NRXN1: variants seen among roughly 807,000 people sequenced by gnomAD.
The protein encoded by NRXN1 is neurexin-1.
NRXN1 carries 39 observed loss-of-function variants against 150.9 expected under a neutral mutation model. The observed-to-expected ratio is 0.26, with a 90% CI of 0.20 to 0.34. The LOEUF (loss-of-function observed/expected upper bound fraction) is 0.34, where lower values mean the gene tolerates loss of function less well. NRXN1 is among the 10% of genes least tolerant of loss of function. The probability of loss-of-function intolerance (pLI) is 1.00; values close to 1 mark genes in which losing one functional copy is unlikely to be tolerated. For missense variants in NRXN1, 1,815 were observed against 1,949.9 expected, an observed-to-expected ratio of 0.93 and a Z score of 1.30; for synonymous variants, 924 against 757.0, an observed-to-expected ratio of 1.22 and a Z score of -3.62.
intron 18 of NRXN1, among the ~76,000 whole-genome samples, chr2:50,174,099 G>T (rs1051666099): frequency 1.3e-5 from 2 of 151,980 alleles, no homozygotes; most frequent in African/African-American, 4.8e-5. Context: ...CTCTAAATTG[G>T]CCTTCTGATT....
intron 5 of NRXN1, among the ~76,000 whole-genome samples, chr2:50,738,264 C>T (rs1429199513): frequency 2.0e-5 from 3 of 152,178 alleles, no homozygotes; most frequent in Non-Finnish European, 4.4e-5. Context: ...AATGACACTG[C>T]ATCATCAAAC....
chr2:50,919,469 G>A (rs1685682162), intron 5 of NRXN1: 1 of 151,398 alleles, frequency 6.6e-6, no homozygotes, highest in African/African-American at 2.4e-5. Flanking sequence ...AAATAATGAA[G>A]ATGTTCTTGA....
chr2:50,644,904 G>A (rs1285376707), intron 5 of NRXN1, among the ~76,000 whole-genome samples: 4 of 146,216 alleles, frequency 2.7e-5, no homozygotes, highest in Admixed American at 2.7e-4. Flanking sequence ...CAAATGCACA[G>A]CTCTTATATA....
At chr2:51,005,469 A>T in intron 2 of NRXN1, among the ~76,000 whole-genome samples, 1 of 152,022 alleles carries the variant, frequency 6.6e-6, no homozygotes. Context: ...CAAAAATGAA[A>T]AAGAAATAAA....
At chr2:50,655,049 T>C (rs1025667921) in intron 5 of NRXN1, among the ~76,000 whole-genome samples, 2 of 151,864 alleles carry the variant, frequency 1.3e-5, no homozygotes, top group African/African-American at 2.4e-5. Context: ...TGATGTAAAA[T>C]AGAAAAGTCT....
chr2:49,993,555 A>G (rs1682387922), intron 21 of NRXN1, among the ~76,000 whole-genome samples: 1 of 152,184 alleles, frequency 6.6e-6, no homozygotes. Flanking sequence ...TTGGTTGATT[A>G]TGATGTGTCA....
At chr2:50,041,077 A>G (rs1690872729) in intron 21 of NRXN1, among the ~76,000 whole-genome samples, 2 of 152,110 alleles carry the variant, frequency 1.3e-5, no homozygotes, top group African/African-American at 2.4e-5. Flanking sequence ...CCCACAGCCA[A>G]TATTAATATA....
intron 18 of NRXN1, among the ~76,000 whole-genome samples, chr2:50,191,627 C>T (rs1048633894): frequency 2.0e-5 from 3 of 152,156 alleles, no homozygotes; most frequent in African/African-American, 7.2e-5. Context: ...ATAATCTATT[C>T]TCCATCTCTA....
At chr2:50,211,293 ATATGT>A (rs2062996281) in intron 18 of NRXN1, among the ~76,000 whole-genome samples, 1 of 151,742 alleles carries the variant, frequency 6.6e-6, no homozygotes, top group Non-Finnish European at 1.5e-5. Context: ...ACACATATAC[ATATGT>A]TATATTTATA....
At chr2:50,579,387 A>G (rs1235997190) in intron 8 of NRXN1, among the ~76,000 whole-genome samples, 1 of 152,240 alleles carries the variant, frequency 6.6e-6, no homozygotes, top group East Asian at 1.9e-4. Flanking sequence ...GATGCAGGGC[A>G]TGGTGGCTGA....
intron 19 of NRXN1, among the ~76,000 whole-genome samples, chr2:50,078,723 G>A (rs1012404212): frequency 6.6e-6 from 1 of 152,004 alleles, no homozygotes; most frequent in Non-Finnish European, 1.5e-5. Flanking sequence ...GGAACTTATG[G>A]ATTTTTGTTG....
intron 21 of NRXN1, among the ~76,000 whole-genome samples, chr2:49,997,366 G>A (rs921023151): frequency 6.6e-6 from 1 of 152,078 alleles, no homozygotes; most frequent in Non-Finnish European, 1.5e-5. Flanking sequence ...TGGAAGAAGT[G>A]ATTTTATATT....
intron 2 of NRXN1, among the ~76,000 whole-genome samples, chr2:50,986,958 T>C (rs945118989): frequency 6.6e-6 from 1 of 151,786 alleles, no homozygotes; most frequent in African/African-American, 2.4e-5. Flanking sequence ...TAGAGGATAA[T>C]GAGAAAGCAG....
chr2:50,067,048 G>A (rs961617924), intron 19 of NRXN1, among the ~76,000 whole-genome samples: 1 of 152,152 alleles, frequency 6.6e-6, no homozygotes, highest in Non-Finnish European at 1.5e-5. Flanking sequence ...TGCGCTGTTC[G>A]TGACTAATGC....
At chr2:50,876,830 C>T (rs2103625292) in intron 5 of NRXN1, among the ~76,000 whole-genome samples, 1 of 151,674 alleles carries the variant, frequency 6.6e-6, no homozygotes, top group Non-Finnish European at 1.5e-5. Flanking sequence ...CCATCTACCC[C>T]AAAATATTGG....
intron 2 of NRXN1, among the ~76,000 whole-genome samples, chr2:50,973,279 C>CT (rs1695303181): frequency 6.6e-6 from 1 of 152,148 alleles, no homozygotes; most frequent in Non-Finnish European, 1.5e-5. Flanking sequence ...CTCAAAGACA[C>CT]TGGCAAACAC....
chr2:51,022,184 T>C (rs1669716646), intron 2 of NRXN1, among the ~76,000 whole-genome samples: 1 of 152,090 alleles, frequency 6.6e-6, no homozygotes, highest in Non-Finnish European at 1.5e-5. Context: ...GAGGTAATAG[T>C]AACAAAAGTA....
intron 21 of NRXN1, among the ~76,000 whole-genome samples, chr2:49,992,974 C>T (rs556217091): frequency 6.6e-6 from 1 of 152,348 alleles, no homozygotes; most frequent in African/African-American, 2.4e-5. Context: ...CGCACAATTT[C>T]ACAGCCATTT....
chr2:50,369,562 G>A (rs1432498220), intron 17 of NRXN1, among the ~76,000 whole-genome samples: 7 of 151,974 alleles, frequency 4.6e-5, no homozygotes, highest in Admixed American at 4.6e-4. Context: ...TCGATGGACA[G>A]CTACCTTATG....
Sources: allele counts gnomAD v4.1 joint callset (sites outside exome capture counted in the v4.1 genomes callset), GRCh38; gene constraint gnomAD v4.1.1; transcripts MANE v1.5; gene names NCBI Gene and HGNC (gene_info 2026-07-23, HGNC 2026-07-21).